Variants in TM7SF2 observed in about 807,000 individuals in gnomAD.
TM7SF2 encodes delta(14)-sterol reductase TM7SF2.
In TM7SF2, 51 loss-of-function variants were observed where a neutral mutation model predicts 51.0. That is an observed-to-expected ratio of 1.00 (90% CI 0.80 to 1.26). The LOEUF (loss-of-function observed/expected upper bound fraction) is 1.26, where lower values mean the gene tolerates loss of function less well. Ranked by LOEUF, TM7SF2 falls within the 50% of genes most tolerant of loss-of-function variation. The pLI is 0.00. For missense variants in TM7SF2, 541 were observed against 547.4 expected (o/e 0.99, Z 0.12); for synonymous variants, 255 against 241.0 (o/e 1.06, Z -0.54).
Position 65,115,967 on chromosome 11 carries a change from G to A in TM7SF2, c.1171G>A (p.Glu391Lys). 1.2e-6 allele frequency: 2 copies of A among 1,613,860 alleles called. No individual in the cohort carries two copies. The highest frequency in any genetic ancestry group is 1.1e-5 in the South Asian group (1 of 91,086). The change falls in exon 10 of 10, where the codon GAG (glutamate) becomes AAG (lysine). Residue 391 changes from glutamate (E) to lysine (K), a missense_variant. Physicochemically the swap from Glu to Lys is moderately conservative, Grantham distance 56. Coordinates refer to ENST00000279263, the MANE Select transcript of TM7SF2 (RefSeq NM_003273.6). ...GCTGGTGCACCGTGAGGCCCGGGATGAGCGGCAGTGCCTGCAGAAGTACGG... is the reference window on the plus strand; with the variant it reads ...GCTGGTGCACCGTGAGGCCCGGGATAAGCGGCAGTGCCTGCAGAAGTACGG... ...ALLVHREARD[E>K]RQCLQKYGLA...
At position 65,116,120 on chromosome 11, in the gene TM7SF2, C is replaced by T; in HGVS notation, c.*67C>T. On this transcript the variant is annotated 3_prime_UTR_variant, in exon 10 of 10. Coordinates refer to ENST00000279263, the MANE Select transcript of TM7SF2 (RefSeq NM_003273.6). Reference sequence around the variant, plus strand: ...CCACCAGCACACCCAGGACCAGGAGCCTCGACACACTTGGGACTCAAGGGC... The same window carrying T: ...CCACCAGCACACCCAGGACCAGGAGTCTCGACACACTTGGGACTCAAGGGC... The T allele has an allele frequency of 6.5e-7, 1 of 1,548,946 alleles. No individual in the cohort carries two copies. The highest frequency in any genetic ancestry group is 2.3e-5 in the East Asian group (1 of 43,412).
In TM7SF2 at chr11:65,115,294, G is replaced by A. The variant is rs769851249; in HGVS notation, c.893-20G>A. The stretch of plus-strand genomic sequence containing the variant: ...GCTGCAACCCTTGACCTTGACCACC[G>A]GTTCACACTCTCTCACCAGCTACTG... On this transcript the variant is annotated intron_variant, in intron 7 of 9. Transcript: ENST00000279263. 7.4e-6 allele frequency: 12 copies of A among 1,612,874 alleles called. No homozygotes were observed. Among genetic ancestry groups the A allele is most frequent in the Middle Eastern group, 1.7e-4 (1 of 5,754 alleles).
intron 1 of TM7SF2, 146 bp from the exon 2 acceptor site, chr11:65,112,369 C>T (rs988468486): frequency 2.1e-6 from 2 of 950,906 alleles, no homozygotes; most frequent in Non-Finnish European, 3.0e-6. Flanking sequence ...AGCGGGGTGC[C>T]TGGGGGCCGA....
rs1256459390 is a variant in TM7SF2, at chr11:65,112,869, C to T, written c.304+4C>T. 4 of 1,550,582 alleles carry T rather than the reference C, an allele frequency of 2.6e-6. No homozygotes were observed. The highest frequency in any genetic ancestry group is 3.9e-5 in the Admixed American group (2 of 50,994). Reference sequence around the variant, plus strand: ...CGCCTGCGCTATCCTATTAACGGTGCCTAGGGGACGGGCCCTCGCGCTGGA... The same window carrying T: ...CGCCTGCGCTATCCTATTAACGGTGTCTAGGGGACGGGCCCTCGCGCTGGA... On this transcript the variant is annotated splice_donor_region_variant and intron_variant, in intron 3 of 9. Coordinates refer to ENST00000279263, the MANE Select transcript of TM7SF2 (RefSeq NM_003273.6).
chr11:65,115,336 TG>T lies in TM7SF2; in HGVS notation c.919del (p.Ala307ArgfsTer161). Reference sequence around the variant, plus strand: ...CAGCTACTGGTTACTACATCTTCCGTGGGGCGAATTCCCAGAAAAACACTTT... The same window carrying T: ...CAGCTACTGGTTACTACATCTTCCGTGGGCGAATTCCCAGAAAAACACTTT... ...INATGYYIFR[G>X]ANSQKNTFRK... On this transcript the variant is annotated frameshift_variant, in exon 8 of 10. Transcript: ENST00000279263. LOFTEE classifies it high-confidence loss of function. The T allele has an allele frequency of 6.2e-7, 1 of 1,614,160 alleles. No homozygotes were observed. The highest frequency in any genetic ancestry group is 8.5e-7 in the Non-Finnish European group (1 of 1,180,014).
At position 65,116,168 on chromosome 11, in the gene TM7SF2, G is replaced by A. The variant is rs1276962998; in HGVS notation, c.*115G>A. 28 of 1,370,172 alleles carry A rather than the reference G, an allele frequency of 2.0e-5. No individual in the cohort carries two copies. The highest frequency in any genetic ancestry group is 2.6e-4 in the Middle Eastern group (1 of 3,830). 84.9% of individuals were successfully genotyped at this position (1,370,172 alleles called of 1,614,324 possible). ...GGCTTGCACCCCACCCAGCCCTGAG[G>A]ATGAACAACCTCAGAGAAGAGGTGG... On this transcript the variant is annotated 3_prime_UTR_variant, in exon 10 of 10. Coordinates refer to ENST00000279263, the MANE Select transcript of TM7SF2 (RefSeq NM_003273.6).
Position 65,115,557 on chromosome 11 carries a change from T to C in TM7SF2, c.1055T>C (p.Leu352Pro), listed in dbSNP as rs547388685. Residue 352 changes from leucine to proline, a missense_variant, in exon 9 of 10, where the codon CTT (leucine) becomes CCT (proline). Leu to Pro is a moderately conservative substitution (Grantham distance 98, BLOSUM62 -3). Transcript: ENST00000279263. ...GGTATGGTCCGCCATCCCAACTATC[T>C]TGGAGACCTCATCATGGCTCTGGCT... ...WWGMVRHPNY[L>P]GDLIMALAWS... 8.7e-6 allele frequency: 14 copies of C among 1,614,100 alleles called. No individual in the cohort carries two copies. Among genetic ancestry groups the C allele is most frequent in the Non-Finnish European group, 1.1e-5 (13 of 1,180,012 alleles).
chr11:65,114,315 CT>C (rs1387565853), intron 5 of TM7SF2, among the ~76,000 whole-genome samples: 1 of 151,424 alleles, frequency 6.6e-6, no homozygotes, highest in East Asian at 1.9e-4. Context: ...GCTAGCCACA[CT>C]GAGCACGTAC....
chr11:65,112,771 G>C, intron 2 of TM7SF2, 40 bp from the exon 3 acceptor site: 3 of 1,549,732 alleles, frequency 1.9e-6, no homozygotes, highest in Non-Finnish European at 2.6e-6. Flanking sequence ...GCGAGGGAAA[G>C]GACGCCCCGG....
intron 1 of TM7SF2, 67 bp downstream of exon 1, chr11:65,112,134 AAG>A: frequency 4.7e-6 from 7 of 1,490,548 alleles, no homozygotes; most frequent in Admixed American, 2.3e-5. Flanking sequence ...CGGGTGAACT[AAG>A]AGCGGGGGCG....
Position 65,115,491 on chromosome 11 carries a change from C to T in TM7SF2, c.989C>T (p.Ser330Phe). 1.2e-6 allele frequency: 2 copies of T among 1,614,136 alleles called. No homozygotes were observed. The highest frequency in any genetic ancestry group is 1.7e-6 in the Non-Finnish European group (2 of 1,180,010). ...CTTTCCCCAGGGCTTGAGACCATCT[C>T]TACAGCCACAGGGCGGAAACTGCTG... ...DPRVAGLETI[S>F]TATGRKLLVS... The change falls in exon 9 of 10, where the codon TCT becomes TTT. Residue 330 changes from serine to phenylalanine, a missense_variant. Transcript: ENST00000279263.
intron 5 of TM7SF2, 84 bp from the exon 6 acceptor site, chr11:65,114,617 GAGTGTAACTGAC>G (rs1947951658): frequency 6.9e-7 from 1 of 1,442,842 alleles, no homozygotes; most frequent in Admixed American, 2.1e-5. Flanking sequence ...TTAAGAGCTG[GAGTGTAACTGAC>G]AGTTGAGAAG....
intron 5 of TM7SF2, 102 bp from the exon 6 acceptor site, chr11:65,114,611 G>C (rs1947951557): frequency 7.1e-7 from 1 of 1,415,388 alleles, no homozygotes; most frequent in Non-Finnish European, 9.6e-7. Flanking sequence ...ATCCACTTAA[G>C]AGCTGGAGTG....
intron 5 of TM7SF2, 33 bp downstream of exon 5, chr11:65,113,627 C>A: frequency 1.9e-6 from 3 of 1,592,624 alleles, no homozygotes; most frequent in African/African-American, 1.3e-5. Context: ...GGCCTCAGGC[C>A]AGGGGGAGGG....
In TM7SF2 at chr11:65,113,549, C is replaced by T. The variant is rs763907881; in HGVS notation, c.558C>T (p.Phe186=). ...AGCTCAACCCTCGTATCTGTTTCTT[C>T]GACTTCAAATATTTCTGTGAACTGC... ...GRELNPRICF[F]DFKYFCELRP... Residue 186 remains phenylalanine, a synonymous_variant, in exon 5 of 10, where the codon TTC becomes TTT. Transcript: ENST00000279263. 1.4e-5 allele frequency: 22 copies of T among 1,614,084 alleles called. No individual in the cohort carries two copies. In the East Asian group the frequency reaches 2.0e-4, roughly 15 times the overall value.
chr11:65,112,222 A>G (rs1947914327), intron 1 of TM7SF2, 155 bp downstream of exon 1: 1 of 784,232 alleles, frequency 1.3e-6, no homozygotes, highest in Non-Finnish European at 2.0e-6. Context: ...GTGTCTGGAG[A>G]GGGAGAGCTG....
At chr11:65,112,239 G>C (rs891105419) in intron 1 of TM7SF2, 172 bp downstream of exon 1, 9 of 717,350 alleles carry the variant, frequency 1.3e-5, no homozygotes, top group Non-Finnish European at 2.1e-5. Flanking sequence ...GCTGAGGAGG[G>C]GCCGGTTCTG....
chr11:65,116,012 T>C lies in TM7SF2; in HGVS notation c.1216T>C (p.Cys406Arg). ...GTACGGCCTGGCCTGGCAGGAGTAC[T>C]GCCGGCGTGTGCCTTACCGCATCAT... ...QKYGLAWQEY[C>R]RRVPYRIMPY... Residue 406 changes from cysteine (C) to arginine (R), a missense_variant, in exon 10 of 10, where the codon TGC becomes CGC. Transcript: ENST00000279263. 1 of 1,611,608 alleles carries C rather than the reference T, an allele frequency of 6.2e-7. No individual in the cohort carries two copies. Among genetic ancestry groups the C allele is most frequent in the Non-Finnish European group, 8.5e-7 (1 of 1,179,972 alleles).
intron 6 of TM7SF2, 21 bp from the exon 7 acceptor site, chr11:65,114,892 G>A: frequency 6.2e-7 from 1 of 1,614,196 alleles, no homozygotes; most frequent in Non-Finnish European, 8.5e-7. Flanking sequence ...AAGCCAGTGT[G>A]TCTGGGTCTT....
Sources: gnomAD v4.1 joint callset for allele counts (sites outside exome capture counted in the v4.1 genomes callset) on GRCh38, gnomAD v4.1.1 for gene constraint, MANE v1.5 for transcripts, NCBI Gene and HGNC (gene_info 2026-07-23, HGNC 2026-07-21) for gene names.